The following BBX variants were observed in gnomAD, a reference collection of about 807,000 sequenced individuals.
The protein encoded by BBX is HMG box transcription factor BBX.
Under a neutral mutation model 100.2 loss-of-function variants are expected in BBX, and 30 were observed. The observed-to-expected ratio is 0.30, with a 90% CI of 0.22 to 0.41. The LOEUF is 0.41. Ranked by LOEUF, BBX falls within the 10% of genes least tolerant of loss-of-function variation. The probability of loss-of-function intolerance (pLI) is 1.00; values close to 1 mark genes in which losing one functional copy is unlikely to be tolerated. For synonymous variants in BBX, 376 were observed against 388.1 expected (o/e 0.97, Z 0.37); for missense variants, 1,023 against 1,129.8 (o/e 0.91, Z 1.35).
chr3:107,739,581 G>A (rs9839535), intron 7 of BBX, among the ~76,000 whole-genome samples: 152,334 of 152,338 alleles, frequency 1, 76,165 homozygotes, highest in Non-Finnish European at 1. Context: ...CCTAAGCTGC[G>A]TTGATGAAAT....
chr3:107,759,750 T>C (rs935701577), intron 10 of BBX, among the ~76,000 whole-genome samples: 1 of 152,190 alleles, frequency 6.6e-6, no homozygotes, highest in Non-Finnish European at 1.5e-5. Flanking sequence ...AACTAAAACC[T>C]GTAAACCTTC....
intron 13 of BBX, among the ~76,000 whole-genome samples, chr3:107,780,106 GC>G (rs2107838086): frequency 6.6e-6 from 1 of 152,196 alleles, no homozygotes; most frequent in Admixed American, 6.6e-5. Context: ...ATAATGGATT[GC>G]CAAATGAAAT....
intron 13 of BBX, among the ~76,000 whole-genome samples, chr3:107,781,320 A>G (rs2067865671): frequency 6.6e-6 from 1 of 152,052 alleles, no homozygotes; most frequent in Non-Finnish European, 1.5e-5. Context: ...TGACAATGAA[A>G]AGGGATGAAA....
chr3:107,771,143 T>A (rs780455311), intron 10 of BBX, among the ~76,000 whole-genome samples: 1 of 151,884 alleles, frequency 6.6e-6, no homozygotes, highest in Non-Finnish European at 1.5e-5. Flanking sequence ...ATCGGCATCA[T>A]CAATCTCTTT....
rs533806553 is a variant in BBX, at chr3:107,579,008, C to T, written c.-84+52610C>T. On this transcript the variant is annotated intron_variant, in intron 2 of 17. Coordinates refer to ENST00000325805, the MANE Select transcript of BBX (RefSeq NM_001142568.3). ...GATTTTATAAGTAATGTAGTCATTC[C>T]TTGGGCCCTGAGGGACCCTCTTGTT... Among the ~76,000 whole-genome samples, 5 of 152,184 alleles carry T rather than the reference C, an allele frequency of 3.3e-5. No homozygotes were observed. The South Asian group carries it at 1.0e-3, about 32-fold the overall frequency.
chr3:107,679,818 A>G (rs1395389304), intron 3 of BBX, among the ~76,000 whole-genome samples: 1 of 152,124 alleles, frequency 6.6e-6, no homozygotes. Flanking sequence ...CTTCATGAAG[A>G]CTCATTAAAA....
rs2061652200 is a variant in BBX at position 107,710,553 on chromosome 3, G to C, written c.93G>C (p.Leu31Phe). The C allele has an allele frequency of 6.2e-7, 1 of 1,613,902 alleles. No individual in the cohort carries two copies. The change falls in exon 4 of 18, where the codon TTG (leucine) becomes TTC (phenylalanine). Residue 31 changes from leucine (L) to phenylalanine (F), a missense_variant. Coordinates refer to ENST00000325805, the MANE Select transcript of BBX (RefSeq NM_001142568.3). ...GAAAGTGTCTTCAGTGGCATCCATT[G>C]CTAGCAAAGAAACTTCTTGATTTTT... ...PKRKCLQWHP[L>F]LAKKLLDFSE... is the part of the protein sequence containing the mutation.
At chr3:107,737,116 G>A (rs1464224169) in intron 7 of BBX, among the ~76,000 whole-genome samples, 1 of 151,976 alleles carries the variant, frequency 6.6e-6, no homozygotes, top group Non-Finnish European at 1.5e-5. Context: ...AAATCTCAAG[G>A]CTACAGTGAA....
intron 3 of BBX, among the ~76,000 whole-genome samples, chr3:107,656,866 T>C (rs761414700): frequency 1.7e-4 from 26 of 152,136 alleles, no homozygotes; most frequent in Non-Finnish European, 3.2e-4. Flanking sequence ...AGGAAGACCT[T>C]AAACCCCACT....
At chr3:107,555,564 C>T (rs2050035224) in intron 2 of BBX, among the ~76,000 whole-genome samples, 1 of 152,170 alleles carries the variant, frequency 6.6e-6, no homozygotes, top group Non-Finnish European at 1.5e-5. Flanking sequence ...TACTATCCCA[C>T]TCATGTTTAA....
At chr3:107,684,914 G>A (rs771717670) in intron 3 of BBX, among the ~76,000 whole-genome samples, 10 of 152,154 alleles carry the variant, frequency 6.6e-5, no homozygotes, top group South Asian at 2.1e-4. Context: ...AAGCAGCACC[G>A]TAGAAGTGCC....
chr3:107,528,410 C>T (rs1163350104), intron 2 of BBX, among the ~76,000 whole-genome samples: 1 of 152,110 alleles, frequency 6.6e-6, no homozygotes, highest in African/African-American at 2.4e-5. Context: ...TTTGGAGGTA[C>T]TGTGGCAGTT....
chr3:107,736,457 A>C (rs1298679211), intron 7 of BBX, among the ~76,000 whole-genome samples: 1 of 151,994 alleles, frequency 6.6e-6, no homozygotes, highest in Non-Finnish European at 1.5e-5. Flanking sequence ...AGAAATAAAA[A>C]TGTAGAACAA....
intron 5 of BBX, among the ~76,000 whole-genome samples, chr3:107,726,433 C>T (rs960113087): frequency 6.7e-6 from 1 of 148,618 alleles, no homozygotes; most frequent in Non-Finnish European, 1.5e-5. Context: ...TTCTCTATCT[C>T]TCACGTTCTT....
rs1195546094 is a variant in BBX at position 107,809,449 on chromosome 3, G to A, written c.*3992G>A. ...TGGAGCCATCATTTGTAAAGGGGAT[G>A]TTGCGGGGTGTGATGCTGTTGAGGA... On this transcript the variant is annotated 3_prime_UTR_variant, in exon 18 of 18. Coordinates refer to ENST00000325805, the MANE Select transcript of BBX (RefSeq NM_001142568.3). The A allele has an allele frequency of 2.0e-5, 3 of 152,432 alleles. No homozygotes were observed. The highest frequency in any genetic ancestry group is 2.9e-5 in the Non-Finnish European group (2 of 68,196). 9.4% of individuals were successfully genotyped at this position (152,432 alleles called of 1,614,324 possible).
At chr3:107,663,875 G>A (rs1011494655) in intron 3 of BBX, among the ~76,000 whole-genome samples, 9 of 148,782 alleles carry the variant, frequency 6.0e-5, no homozygotes, top group Non-Finnish European at 1.2e-4. Context: ...ATGCCATCTC[G>A]GCTCACTGCA....
intron 2 of BBX, among the ~76,000 whole-genome samples, chr3:107,602,833 ACTT>A (rs1192125582): frequency 6.6e-6 from 1 of 152,264 alleles, no homozygotes; most frequent in African/African-American, 2.4e-5. Context: ...AATGGAATCT[ACTT>A]CTAATAAAGA....
At chr3:107,558,270 T>C (rs2050228703) in intron 2 of BBX, among the ~76,000 whole-genome samples, 1 of 152,182 alleles carries the variant, frequency 6.6e-6, no homozygotes, top group Non-Finnish European at 1.5e-5. Flanking sequence ...GCGGATCACC[T>C]GAGGTCAGGA....
intron 3 of BBX, among the ~76,000 whole-genome samples, chr3:107,682,286 G>T (rs2059610465): frequency 6.6e-6 from 1 of 152,074 alleles, no homozygotes; most frequent in Non-Finnish European, 1.5e-5. Flanking sequence ...GATTTCTTAA[G>T]CTGTCTCTGA....
Sources: gnomAD v4.1 joint callset for allele counts (sites outside exome capture counted in the v4.1 genomes callset) on GRCh38, gnomAD v4.1.1 for gene constraint, MANE v1.5 for transcripts, NCBI Gene and HGNC (gene_info 2026-07-23, HGNC 2026-07-21) for gene names.